TRIP12: variants seen among roughly 807,000 people sequenced by gnomAD.
The protein encoded by TRIP12 is E3 ubiquitin-protein ligase TRIP12.
In TRIP12, 25 loss-of-function variants were observed where a neutral mutation model predicts 244.2. That is an observed-to-expected ratio of 0.10 (90% confidence interval 0.07 to 0.14). The LOEUF (loss-of-function observed/expected upper bound fraction) is 0.14, where lower values mean the gene tolerates loss of function less well. Ranked by LOEUF, TRIP12 falls within the 10% of genes least tolerant of loss-of-function variation. The pLI, the probability that TRIP12 is intolerant of heterozygous loss-of-function variation, is 1.00. For missense variants in TRIP12, 1,677 were observed against 2,486.4 expected, an observed-to-expected ratio of 0.67 and a Z score of 6.92; for synonymous variants, 905 against 873.1, an observed-to-expected ratio of 1.04 and a Z score of -0.64.
intron 6 of TRIP12, among the ~76,000 whole-genome samples, chr2:229,832,380 C>T (rs1559718782): frequency 6.6e-6 from 1 of 152,142 alleles, no homozygotes; most frequent in Non-Finnish European, 1.5e-5. Flanking sequence ...TACTATCTGG[C>T]CTTTTACAAA....
At chr2:229,789,056 T>A in intron 31 of TRIP12, 116 bp from the exon 32 acceptor site, 1 of 922,510 alleles carries the variant, frequency 1.1e-6, no homozygotes, top group Non-Finnish European at 1.6e-6. Context: ...ACGTGTTGGT[T>A]TCCAACATAC....
intron 22 of TRIP12, 76 bp from the exon 23 acceptor site, chr2:229,799,125 C>CTGTG: frequency 6.4e-7 from 1 of 1,551,774 alleles, no homozygotes; most frequent in Non-Finnish European, 8.8e-7. Context: ...TTAAGATTCA[C>CTGTG]AGTCTTAACA....
chr2:229,791,754 T>C (rs150774197), intron 29 of TRIP12, 112 bp downstream of exon 29: 1 of 1,135,070 alleles, frequency 8.8e-7, no homozygotes, highest in East Asian at 2.4e-5. Context: ...AAATGTGTGA[T>C]TTAGGGCCCC....
At chr2:229,824,026 AT>A (rs1389483348) in intron 8 of TRIP12, among the ~76,000 whole-genome samples, 1 of 152,214 alleles carries the variant, frequency 6.6e-6, no homozygotes, top group Non-Finnish European at 1.5e-5. Context: ...GAAAACAGAT[AT>A]TCTAAGTAAC....
intron 1 of TRIP12, among the ~76,000 whole-genome samples, chr2:229,886,128 T>C (rs1369883941): frequency 6.6e-6 from 1 of 152,146 alleles, no homozygotes. Flanking sequence ...TACTTTGATT[T>C]AGGAAGGAAG....
chr2:229,811,153 T>C lies in TRIP12; in HGVS notation c.2038A>G (p.Asn680Asp), dbSNP rs772399122. The change falls in exon 14 of 42, where the codon AAC (asparagine) becomes GAC (aspartate). Residue 680 changes from asparagine (N) to aspartate (D), a missense_variant. Asn to Asp is a conservative substitution (Grantham distance 23). Coordinates refer to ENST00000675903, the MANE Select transcript of TRIP12 (RefSeq NM_001348323.3). ...ACACTTACCTCCTCATGCTGGAAGT[T>C]GTCCACTAGGCGTGCAAAACAAAGG... ...TCLCFARLVDNFQHEENLLQQ... is the reference protein window; with the variant it reads ...TCLCFARLVDDFQHEENLLQQ... 1.8e-5 allele frequency: 29 copies of C among 1,613,998 alleles called. No individual in the cohort carries two copies. The highest frequency in any genetic ancestry group is 2.3e-5 in the Non-Finnish European group (27 of 1,179,994).
At chr2:229,794,471 G>A (rs1414821393) in intron 26 of TRIP12, among the ~76,000 whole-genome samples, 2 of 152,144 alleles carry the variant, frequency 1.3e-5, no homozygotes, top group African/African-American at 4.8e-5. Flanking sequence ...GCAGGCTGAG[G>A]CAGAAAGATC....
At position 229,778,325 on chromosome 2, in the gene TRIP12, G is replaced by C. The variant is rs1458255623; in HGVS notation, c.5364+108C>G. 7.2e-7 allele frequency: 1 copy of C among 1,392,270 alleles called. No homozygotes were observed. Among genetic ancestry groups the C allele is most frequent in the African/African-American group, 1.4e-5 (1 of 69,250 alleles). The allele number at this position is 1,392,270 out of a possible 1,614,324, so 86.2% of individuals were successfully genotyped here. ...CCAAGTAATTCATATGTGTATTGAA[G>C]TTTGAGAAGCATTGCTCTAAACTAT... On this transcript the variant is annotated intron_variant, in intron 36 of 41. Coordinates refer to ENST00000675903, the MANE Select transcript of TRIP12 (RefSeq NM_001348323.3). This position sits in a 1 kb window ranked among gnomAD's most constrained non-coding sequence, Gnocchi z 4.1.
At chr2:229,813,731 C>T (rs1029536094) in intron 13 of TRIP12, 139 bp downstream of exon 13, 7 of 525,820 alleles carry the variant, frequency 1.3e-5, no homozygotes, top group African/African-American at 2.0e-5. Flanking sequence ...TGGCAGTGAG[C>T]TGAGATCACA....
intron 1 of TRIP12, among the ~76,000 whole-genome samples, chr2:229,882,647 A>T (rs1166408513): frequency 6.6e-6 from 1 of 152,220 alleles, no homozygotes; most frequent in Non-Finnish European, 1.5e-5. Flanking sequence ...AGAGAATAGG[A>T]TGATACTGCT....
chr2:229,792,951 G>C (rs200238716), intron 27 of TRIP12, 22 bp downstream of exon 27: 2 of 1,602,660 alleles, frequency 1.2e-6, no homozygotes, highest in Non-Finnish European at 1.7e-6. Flanking sequence ...TATAACACAC[G>C]AAACAAATAT....
rs180807026 is a variant in TRIP12 at position 229,802,209 on chromosome 2, C to T, written c.3206+43G>A. The T allele has an allele frequency of 3.1e-4, 475 of 1,518,406 alleles. 3 individuals are homozygous for T. The highest frequency in any genetic ancestry group is 2.1e-3 in the South Asian group (170 of 79,146). 94.1% of individuals were successfully genotyped at this position (1,518,406 alleles called of 1,614,324 possible). A position where few individuals can be genotyped will look rare whatever the true frequency, so the allele number is the denominator to read the frequency against. ...ATGATTCTTAGGTACCAAAGCAGCG[C>T]TAACAGCAAAGAAATAAAAATCACA... On this transcript the variant is annotated intron_variant, in intron 21 of 41. Transcript: ENST00000675903.
In TRIP12 at chr2:229,767,759, GA is replaced by G; in HGVS notation, c.6008-10del. Reference sequence around the variant, plus strand: ...ATTCAAACTCCGGAATCCTGATTAAGAGAAAAAGAAAGACAAGGAACTTAAG... The same window carrying G: ...ATTCAAACTCCGGAATCCTGATTAAGGAAAAAGAAAGACAAGGAACTTAAG... On this transcript the variant is annotated splice_polypyrimidine_tract_variant and intron_variant, in intron 41 of 41. Transcript: ENST00000675903. 1 of 1,597,704 alleles carries G rather than the reference GA, an allele frequency of 6.3e-7. No individual in the cohort carries two copies. The highest frequency in any genetic ancestry group is 8.5e-7 in the Non-Finnish European group (1 of 1,174,636).
At chr2:229,798,847 A>G (rs2154266211) in intron 23 of TRIP12, 28 bp downstream of exon 23, 1 of 1,609,422 alleles carries the variant, frequency 6.2e-7, no homozygotes, top group African/African-American at 1.3e-5. Flanking sequence ...ATGGGAATAG[A>G]AGAAACATAA....
chr2:229,868,754 G>A (rs2061999875), intron 2 of TRIP12, among the ~76,000 whole-genome samples: 1 of 152,204 alleles, frequency 6.6e-6, no homozygotes, highest in African/African-American at 2.4e-5. Flanking sequence ...GGGACCAGTG[G>A]CTAAGTTTCA....
At chr2:229,870,522 G>T (rs2062373927) in intron 2 of TRIP12, among the ~76,000 whole-genome samples, 1 of 152,180 alleles carries the variant, frequency 6.6e-6, no homozygotes, top group African/African-American at 2.4e-5. Flanking sequence ...TCTAAGACTG[G>T]AAAAGAGTAT....
At chr2:229,826,332 G>C (rs2051584234) in intron 8 of TRIP12, among the ~76,000 whole-genome samples, 2 of 152,072 alleles carry the variant, frequency 1.3e-5, no homozygotes, top group African/African-American at 4.8e-5. Context: ...ACCAAGAAAA[G>C]AAGATAAAGG....
rs767166221 is a variant in TRIP12, at chr2:229,880,015, C to A, written c.65G>T (p.Gly22Val). Residue 22 changes from glycine to valine, a missense_variant, in exon 2 of 42, where the codon GGG (glycine) becomes GTG (valine). Transcript: ENST00000675903. ...SLRRSQRNTA[G>V]AQPQDDSIGG... ...TATTGAGTCGTCTTGTGGTTGGGCC[C>A]CGGCAGTGTTCCTCTGTGAACGTCG... The A allele has an allele frequency of 1.2e-6, 2 of 1,614,070 alleles. No individual in the cohort carries two copies. Among genetic ancestry groups the A allele is most frequent in the Non-Finnish European group, 1.7e-6 (2 of 1,180,008 alleles).
At chr2:229,860,107 T>TA (rs1042450932) in intron 3 of TRIP12, among the ~76,000 whole-genome samples, 11 of 151,280 alleles carry the variant, frequency 7.3e-5, no homozygotes, top group East Asian at 3.9e-4. Flanking sequence ...CAATAAAAAC[T>TA]AAAAAAAAGA....
Sources: allele counts gnomAD v4.1 joint callset (sites outside exome capture counted in the v4.1 genomes callset), GRCh38; gene constraint gnomAD v4.1.1; non-coding constraint Gnocchi (gnomAD v3.1); transcripts MANE v1.5; gene names NCBI Gene and HGNC (gene_info 2026-07-23, HGNC 2026-07-21).